Variants in PCCA observed in about 807,000 individuals in gnomAD.
PCCA encodes propionyl-CoA carboxylase alpha chain, mitochondrial.
A neutral mutation model predicts 101.3 loss-of-function variants in PCCA; 74 were observed. That is an observed-to-expected ratio of 0.73 (90% confidence interval 0.61 to 0.89). The LOEUF is 0.89. Ranked by LOEUF, PCCA falls within the 40% of genes least tolerant of loss-of-function variation. PCCA has a pLI of 0.00. For missense variants in PCCA, 891 were observed against 907.0 expected (o/e 0.98, Z 0.23); for synonymous variants, 294 against 313.6 (o/e 0.94, Z 0.66).
chr13:100,097,208 G>A (rs772199972), intron 1 of PCCA, among the ~76,000 whole-genome samples: 2 of 152,138 alleles, frequency 1.3e-5, no homozygotes, highest in Non-Finnish European at 2.9e-5. Context: ...ACTGATCCAT[G>A]AAGACAGAAA....
intron 20 of PCCA, among the ~76,000 whole-genome samples, chr13:100,429,360 T>C (rs1039614614): frequency 1.5e-4 from 23 of 151,862 alleles, no homozygotes; most frequent in African/African-American, 5.6e-4. Context: ...TTCTGAGAAA[T>C]AAGGGATGAA....
intron 20 of PCCA, among the ~76,000 whole-genome samples, chr13:100,427,074 GGGTGT>G (rs1373600421): frequency 6.6e-6 from 1 of 152,250 alleles, no homozygotes; most frequent in East Asian, 1.9e-4. Flanking sequence ...AAAATTAGCC[GGGTGT>G]GGTGGCGGGC....
intron 6 of PCCA, among the ~76,000 whole-genome samples, chr13:100,204,699 A>T (rs1342911496): frequency 6.6e-6 from 1 of 152,094 alleles, no homozygotes; most frequent in African/African-American, 2.4e-5. Context: ...CCTTTCCCCC[A>T]TTCTTCTATT....
chr13:100,334,537 G>A (rs917443073), intron 17 of PCCA, among the ~76,000 whole-genome samples: 1 of 152,162 alleles, frequency 6.6e-6, no homozygotes. Context: ...GGAGGCAGAT[G>A]ACTGTGCTTA....
chr13:100,093,891 A>T (rs2046505241), intron 1 of PCCA, among the ~76,000 whole-genome samples: 1 of 152,152 alleles, frequency 6.6e-6, no homozygotes, highest in African/African-American at 2.4e-5. Context: ...GTGAGCTGTG[A>T]TCACACCAAT....
At chr13:100,272,480 C>T (rs1019892039) in intron 11 of PCCA, among the ~76,000 whole-genome samples, 1 of 152,116 alleles carries the variant, frequency 6.6e-6, no homozygotes, top group African/African-American at 2.4e-5. Flanking sequence ...TTTCTCCAGA[C>T]AGTACTTCAT....
At chr13:100,203,400 T>C (rs1406247491) in intron 6 of PCCA, among the ~76,000 whole-genome samples, 1 of 151,782 alleles carries the variant, frequency 6.6e-6, no homozygotes. Context: ...ATAAAAACAT[T>C]GTATTGGGGC....
intron 18 of PCCA, among the ~76,000 whole-genome samples, chr13:100,349,235 T>A (rs1406702682): frequency 6.6e-6 from 1 of 152,182 alleles, no homozygotes. Flanking sequence ...GCAGTTCTCC[T>A]GCCTCAGCCT....
At position 100,307,220 on chromosome 13, in the gene PCCA, G is replaced by A. The variant is rs374952465; in HGVS notation, c.1313G>A (p.Gly438Glu). 4 of 1,610,880 alleles carry A rather than the reference G, an allele frequency of 2.5e-6. No homozygotes were observed. The highest frequency in any genetic ancestry group is 3.4e-6 in the Non-Finnish European group (4 of 1,177,762). ...CGAGTGGACAGTGGCATCCAACCAG[G>A]AAGTGATATTAGCATTTATTATGAT... ...GVRVDSGIQP[G>E]SDISIYYDPM... Residue 438 changes from glycine to glutamate, a missense_variant, in exon 15 of 24, where the codon GGA (glycine) becomes GAA (glutamate). Transcript: ENST00000376285.
intron 6 of PCCA, among the ~76,000 whole-genome samples, chr13:100,172,863 T>C (rs1005337324): frequency 1.3e-5 from 2 of 152,210 alleles, no homozygotes; most frequent in African/African-American, 4.8e-5. Context: ...TTGCTCAGGA[T>C]CACACAGCTG....
intron 4 of PCCA, among the ~76,000 whole-genome samples, chr13:100,145,634 C>T (rs1192827224): frequency 2.0e-5 from 3 of 152,038 alleles, no homozygotes; most frequent in East Asian, 3.9e-4. Flanking sequence ...AAGGCCAAGG[C>T]AGGCAGATCA....
At chr13:100,240,234 T>C (rs1289263865) in intron 8 of PCCA, among the ~76,000 whole-genome samples, 1 of 152,164 alleles carries the variant, frequency 6.6e-6, no homozygotes, top group Non-Finnish European at 1.5e-5. Flanking sequence ...AATTCTTTAC[T>C]CTGACTACTA....
intron 21 of PCCA, among the ~76,000 whole-genome samples, chr13:100,457,730 A>G (rs1201723245): frequency 6.6e-6 from 1 of 152,224 alleles, no homozygotes; most frequent in Non-Finnish European, 1.5e-5. Flanking sequence ...AAGAACAATC[A>G]GTGTCTTGCT....
intron 6 of PCCA, among the ~76,000 whole-genome samples, chr13:100,181,939 AT>A (rs1431321740): frequency 2.9e-4 from 31 of 108,646 alleles, no homozygotes; most frequent in East Asian, 8.4e-4. Context: ...TAATTTTTGT[AT>A]TTTTTTGTAG....
At chr13:100,233,348 AAGGCTG>A (rs1046124424) in intron 7 of PCCA, among the ~76,000 whole-genome samples, 1 of 152,204 alleles carries the variant, frequency 6.6e-6, no homozygotes, top group African/African-American at 2.4e-5. Flanking sequence ...AATTAGGAGC[AAGGCTG>A]AGCACAGATA....
chr13:100,157,361 A>C, intron 6 of PCCA, 21 bp downstream of exon 6: 6 of 1,549,714 alleles, frequency 3.9e-6, no homozygotes, highest in East Asian at 2.2e-5. Context: ...AATGAACCAG[A>C]AACTGTTCAT....
At chr13:100,214,086 A>G (rs1249291553) in intron 7 of PCCA, among the ~76,000 whole-genome samples, 4 of 152,142 alleles carry the variant, frequency 2.6e-5, no homozygotes, top group African/African-American at 7.2e-5. Context: ...CTATTGGTCT[A>G]TGCCAGTACT....
chr13:100,280,000 GTTTTTGTTTTTGT>G (rs1205952012), intron 12 of PCCA, among the ~76,000 whole-genome samples: 6 of 65,812 alleles, frequency 9.1e-5, no homozygotes, highest in South Asian at 8.0e-4. Context: ...ACTGTGTTTT[GTTTTTGTTTTTGT>G]TTTTTTTTTT....
chr13:100,493,477 A>G (rs575842056), intron 21 of PCCA, among the ~76,000 whole-genome samples: 2 of 152,254 alleles, frequency 1.3e-5, no homozygotes, highest in South Asian at 4.2e-4. Flanking sequence ...TCCGAGCTCC[A>G]CACCAAGAAG....
Sources: allele counts gnomAD v4.1 joint callset (sites outside exome capture counted in the v4.1 genomes callset), GRCh38; gene constraint gnomAD v4.1.1; transcripts MANE v1.5; gene names NCBI Gene and HGNC (gene_info 2026-07-23, HGNC 2026-07-21).